Variants in DGKB observed in about 807,000 individuals in gnomAD.
The protein encoded by DGKB is 90 kDa diacylglycerol kinase.
DGKB carries 67 observed loss-of-function variants against 114.3 expected under a neutral mutation model. The observed-to-expected ratio is 0.59, with a 90% CI of 0.48 to 0.72. The LOEUF is 0.72. Among genes scored for constraint, DGKB ranks in the 30% least tolerant of loss-of-function variants. DGKB has a pLI of 0.00. For synonymous variants in DGKB, 398 were observed against 323.1 expected (o/e 1.23, Z -2.49); for missense variants, 907 against 975.2 (o/e 0.93, Z 0.93).
intron 20 of DGKB, among the ~76,000 whole-genome samples, chr7:14,521,491 C>A (rs1297980594): frequency 1.3e-5 from 2 of 152,140 alleles, no homozygotes; most frequent in African/African-American, 4.8e-5. Context: ...GAGAAACTTT[C>A]AAACATTATA....
intron 25 of DGKB, among the ~76,000 whole-genome samples, chr7:14,155,108 A>C (rs1357393920): frequency 6.6e-6 from 1 of 152,016 alleles, no homozygotes; most frequent in African/African-American, 2.4e-5. Flanking sequence ...GCCCTAGCCT[A>C]TTTGTCATTT....
intron 20 of DGKB, among the ~76,000 whole-genome samples, chr7:14,553,228 A>T (rs987544426): frequency 6.6e-6 from 1 of 152,226 alleles, no homozygotes; most frequent in Non-Finnish European, 1.5e-5. Context: ...ATGCTTTGTC[A>T]CTTTCCTTTA....
chr7:14,508,644 G>C (rs567181493), intron 20 of DGKB, among the ~76,000 whole-genome samples: 1 of 152,132 alleles, frequency 6.6e-6, no homozygotes, highest in African/African-American at 2.4e-5. Flanking sequence ...GCTTTAATAA[G>C]GACAATTCCT....
rs147210911 is a variant in DGKB at position 14,695,431 on chromosome 7, C to T, written c.592-1237G>A. Among the ~76,000 whole-genome samples, 1,038 of 150,462 alleles carry T rather than the reference C, an allele frequency of 6.9e-3. 10 individuals are homozygous for T. Among genetic ancestry groups the T allele is most frequent in the African/African-American group, 0.023 (962 of 40,956 alleles). On this transcript the variant is annotated intron_variant, in intron 8 of 25. Transcript: ENST00000402815. The stretch of plus-strand genomic sequence containing the variant: ...TTAATTTGATAAAAACTTCTAGGGA[C>T]GCTCCAGTCTTCCCTACTACTATTG...
chr7:14,288,219 G>GTT lies in DGKB; in HGVS notation c.2122+50294_2122+50295dup, dbSNP rs57856236. 8.4e-3 allele frequency among the ~76,000 whole-genome samples: 887 copies of GTT among 105,428 alleles called. 8 individuals are homozygous for GTT. Among genetic ancestry groups the GTT allele is most frequent in the African/African-American group, 0.022 (615 of 28,204 alleles). The allele number at this position is 105,428 out of a possible 152,430, so 69.2% of individuals were successfully genotyped here. Reference sequence around the variant, plus strand: ...GGGTTTCTAGAATTCTTGATAATCTGTTTTTTTTTTTTTAATTTTTTTTTT... The same window carrying GTT: ...GGGTTTCTAGAATTCTTGATAATCTGTTTTTTTTTTTTTTTAATTTTTTTTTT... On this transcript the variant is annotated intron_variant, in intron 23 of 25. Transcript: ENST00000402815.
intron 1 of DGKB, among the ~76,000 whole-genome samples, chr7:14,886,940 C>T (rs1297617699): frequency 2.0e-5 from 3 of 151,948 alleles, no homozygotes; most frequent in Non-Finnish European, 4.4e-5. Flanking sequence ...GTCAGCCTTG[C>T]AATAAAGCCT....
chr7:14,863,416 A>T (rs1051186634), intron 1 of DGKB, among the ~76,000 whole-genome samples: 2 of 151,506 alleles, frequency 1.3e-5, no homozygotes, highest in African/African-American at 4.8e-5. Flanking sequence ...TAAATAATTT[A>T]AATTAACTAT....
At chr7:14,595,544 A>G (rs796970410) in intron 17 of DGKB, among the ~76,000 whole-genome samples, 64 of 151,534 alleles carry the variant, frequency 4.2e-4, no homozygotes, top group African/African-American at 1.4e-3. Flanking sequence ...GCCCCCCTTT[A>G]AGAAAAAATA....
intron 23 of DGKB, among the ~76,000 whole-genome samples, chr7:14,318,534 A>G (rs1392622912): frequency 6.6e-6 from 1 of 152,222 alleles, no homozygotes; most frequent in Non-Finnish European, 1.5e-5. Context: ...ACACATGAAA[A>G]AATGCTCACC....
At chr7:14,313,391 A>G (rs1187618271) in intron 23 of DGKB, among the ~76,000 whole-genome samples, 1 of 152,000 alleles carries the variant, frequency 6.6e-6, no homozygotes, top group African/African-American at 2.4e-5. Flanking sequence ...AGCGCCAGAC[A>G]GTGGGCGCAG....
chr7:14,208,856 G>T (rs1468856119), intron 23 of DGKB, among the ~76,000 whole-genome samples: 1 of 149,862 alleles, frequency 6.7e-6, no homozygotes, highest in Non-Finnish European at 1.5e-5. Flanking sequence ...ATAAACAAAA[G>T]AATATTCATA....
intron 21 of DGKB, among the ~76,000 whole-genome samples, chr7:14,423,907 A>C (rs1474530008): frequency 1.3e-5 from 2 of 152,056 alleles, no homozygotes; most frequent in African/African-American, 4.8e-5. Context: ...AATCTTTATC[A>C]TTTAGTTGTC....
At chr7:14,485,161 G>A (rs1033867013) in intron 20 of DGKB, among the ~76,000 whole-genome samples, 3 of 149,982 alleles carry the variant, frequency 2.0e-5, no homozygotes, top group South Asian at 4.2e-4. Flanking sequence ...ACACTATCCT[G>A]AGTTACAAAG....
intron 20 of DGKB, among the ~76,000 whole-genome samples, chr7:14,531,042 C>T (rs1011137078): frequency 1.3e-5 from 2 of 151,448 alleles, no homozygotes; most frequent in Non-Finnish European, 3.0e-5. Flanking sequence ...ATAATTACTT[C>T]TACATTTCTA....
chr7:14,169,026 T>G (rs1296443841), intron 25 of DGKB, among the ~76,000 whole-genome samples: 1 of 152,078 alleles, frequency 6.6e-6, no homozygotes, highest in East Asian at 1.9e-4. Context: ...AAATTATGTG[T>G]ATGAAATTAA....
intron 23 of DGKB, among the ~76,000 whole-genome samples, chr7:14,219,763 G>A (rs961676600): frequency 6.6e-6 from 1 of 151,652 alleles, no homozygotes. Context: ...TGAAATGCAA[G>A]TTTTAAATTT....
At chr7:14,162,785 C>G (rs756136077) in intron 25 of DGKB, among the ~76,000 whole-genome samples, 26 of 152,112 alleles carry the variant, frequency 1.7e-4, no homozygotes, top group Admixed American at 5.2e-4. Flanking sequence ...TTAAAATATG[C>G]TATGACAAGA....
At chr7:14,816,159 C>T (rs1348051590) in intron 2 of DGKB, among the ~76,000 whole-genome samples, 1 of 151,938 alleles carries the variant, frequency 6.6e-6, no homozygotes, top group Non-Finnish European at 1.5e-5. Context: ...GGTGAAATCC[C>T]GTCTCTACTA....
intron 2 of DGKB, among the ~76,000 whole-genome samples, chr7:14,816,051 G>A (rs1844095630): frequency 6.6e-6 from 1 of 152,038 alleles, no homozygotes; most frequent in African/African-American, 2.4e-5. Flanking sequence ...ATTATCTCAG[G>A]TGGGCACAGT....
Sources: gnomAD v4.1 joint callset for allele counts (sites outside exome capture counted in the v4.1 genomes callset) on GRCh38, gnomAD v4.1.1 for gene constraint, MANE v1.5 for transcripts, NCBI Gene and HGNC (gene_info 2026-07-23, HGNC 2026-07-21) for gene names.